TNXB: variants seen among roughly 807,000 people sequenced by gnomAD.
The protein encoded by TNXB is tenascin-X.
A neutral mutation model predicts 340.5 loss-of-function variants in TNXB; 183 were observed. The ratio of observed to expected loss-of-function variants is 0.54; its 90% CI spans 0.48 to 0.61. The LOEUF is 0.61. TNXB is among the 20% of genes least tolerant of loss of function. TNXB has a pLI of 0.00. For synonymous variants in TNXB, 2,121 were observed against 2,314.5 expected (o/e 0.92, Z 2.40); for missense variants, 4,613 against 5,446.4 (o/e 0.85, Z 4.82).
intron 40 of TNXB, 38 bp downstream of exon 40, chr6:32,042,417 G>A (rs746484572): frequency 6.2e-7 from 1 of 1,600,514 alleles, no homozygotes; most frequent in East Asian, 2.3e-5. Flanking sequence ...AACAGACCCT[G>A]CCCTGCACAG....
Position 32,051,573 on chromosome 6 carries a change from T to C in TNXB, c.9115+1097A>G, listed in dbSNP as rs1677324822. Among the ~76,000 whole-genome samples the C allele has an allele frequency of 6.6e-6, 1 of 152,200 alleles. No homozygotes were observed. Among genetic ancestry groups the C allele is most frequent in the African/African-American group, 2.4e-5 (1 of 41,448 alleles). ...ATGAAAGGATGAGCAAAGTGTGGTC[T>C]GTATGTGTAAAACGAAACATTATTC... On this transcript the variant is annotated intron_variant, in intron 26 of 43. Coordinates refer to ENST00000644971, the MANE Select transcript of TNXB (RefSeq NM_001365276.2). The surrounding 1 kb of genome is among the most constrained non-coding windows in gnomAD (Gnocchi z 4.7).
Position 32,096,883 on chromosome 6 carries a change from C to A in TNXB, c.970G>T (p.Gly324Trp), listed in dbSNP as rs1380673986. ...TAGCCGGGGTCACACACGCAGCGCC[C>A]GTCCTTGCAGCGTCCCCGCTGGCTG... ...GCSQRGRCKD[G>W]RCVCDPGYTG... The change falls in exon 3 of 44, where the codon GGG (glycine) becomes TGG (tryptophan). Residue 324 changes from glycine (G) to tryptophan (W), a missense_variant. Around this residue, in one of 7 missense-constraint regions of TNXB, gnomAD observed 4,327 missense variants for 4,859.4 expected, o/e 0.89. Transcript: ENST00000644971. The A allele has an allele frequency of 6.2e-7, 1 of 1,609,122 alleles. No homozygotes were observed. The highest frequency in any genetic ancestry group is 8.5e-7 in the Non-Finnish European group (1 of 1,177,992).
At chr6:32,107,148 G>A (rs1266649911) in intron 1 of TNXB, among the ~76,000 whole-genome samples, 6 of 152,188 alleles carry the variant, frequency 3.9e-5, no homozygotes, top group African/African-American at 1.4e-4. Flanking sequence ...CCTTCCCAGT[G>A]GGAAGCAGCG....
At chr6:32,076,855 G>A (rs928239276) in intron 11 of TNXB, among the ~76,000 whole-genome samples, 13 of 152,184 alleles carry the variant, frequency 8.5e-5, no homozygotes, top group African/African-American at 1.2e-4. Flanking sequence ...GGTGGTGGGC[G>A]CCTGTAATCC....
At chr6:32,056,221 G>A (rs1401152830) in intron 23 of TNXB, 47 bp from the exon 24 acceptor site, 2 of 1,577,934 alleles carry the variant, frequency 1.3e-6, no homozygotes, top group East Asian at 2.2e-5. Flanking sequence ...TGGGGGATGT[G>A]CTCAGGTCTT....
Position 32,084,762 on chromosome 6 carries a change from C to T in TNXB, c.3149-53G>A, listed in dbSNP as rs1779678273. The T allele has an allele frequency of 1.0e-5, 15 of 1,454,394 alleles. No individual in the cohort carries two copies. Among genetic ancestry groups the T allele is most frequent in the Non-Finnish European group, 1.3e-5 (14 of 1,092,984 alleles). 90.1% of individuals were successfully genotyped at this position (1,454,394 alleles called of 1,614,324 possible). ...ATAGTGGACTCAACCGTTCTCTTGTCTGTGTCTCCTTCCCTCTCCCCTGCC... is the reference window on the plus strand; with the variant it reads ...ATAGTGGACTCAACCGTTCTCTTGTTTGTGTCTCCTTCCCTCTCCCCTGCC... On this transcript the variant is annotated intron_variant, in intron 7 of 43. Coordinates refer to ENST00000644971, the MANE Select transcript of TNXB (RefSeq NM_001365276.2). The surrounding 1 kb of genome is among the most constrained non-coding windows in gnomAD (Gnocchi z 5.5).
Position 32,065,078 on chromosome 6 carries a change from A to G in TNXB, c.6584T>C (p.Leu2195Pro). 6.3e-7 allele frequency: 1 copy of G among 1,594,590 alleles called. No individual in the cohort carries two copies. The highest frequency in any genetic ancestry group is 8.5e-7 in the Non-Finnish European group (1 of 1,170,668). Reference protein sequence around the residue: ...EESPDAPLAKLRLGQMTVRDI... With the variant: ...EESPDAPLAKPRLGQMTVRDI... ...TCTCACTGTCATCTGCCCTAGGCGC[A>G]GCTTTGCAAGAGGAGCATCAGGGGA... is the stretch of plus-strand genomic sequence containing the variant. Residue 2195 changes from leucine (L) to proline (P), a missense_variant, in exon 19 of 44, where the codon CTG (leucine) becomes CCG (proline). Coordinates refer to ENST00000644971, the MANE Select transcript of TNXB (RefSeq NM_001365276.2).
rs542401330 is a variant in TNXB at position 32,072,009 on chromosome 6, G to T, written c.4971C>A (p.Val1657=). ...TCTCACCCGTCTTTGCCTCCACAGA[G>T]ACTGGGCTGCGTCGTTTCCCATCCT... ...GIQDGKRRSP[V]SVEAKTVARG... is the part of the protein sequence containing the mutation. Residue 1657 remains valine (V), a synonymous_variant, in exon 13 of 44, where the codon GTC becomes GTA. Transcript: ENST00000644971. The surrounding 1 kb of genome is among the most constrained non-coding windows in gnomAD (Gnocchi z 4.4). 1 of 1,605,322 alleles carries T rather than the reference G, an allele frequency of 6.2e-7. No individual in the cohort carries two copies. The highest frequency in any genetic ancestry group is 8.5e-7 in the Non-Finnish European group (1 of 1,175,342).
rs367754667 is a variant in TNXB, at chr6:32,056,628, C to T, written c.8101G>A (p.Gly2701Ser). The T allele has an allele frequency of 2.2e-5, 35 of 1,612,928 alleles. 1 individual carries two copies. In the Middle Eastern group the frequency reaches 9.9e-4, roughly 46 times the overall value. ...KYKMNLYGFH[G>S]GQRVGPISVI... is the part of the protein sequence containing the mutation. ...GAGATGGGGCCCACGCGCTGGCCACCGTGGAAGCCGTACAGGTTCATCTTG... is the reference window on the plus strand; with the variant it reads ...GAGATGGGGCCCACGCGCTGGCCACTGTGGAAGCCGTACAGGTTCATCTTG... The change falls in exon 23 of 44, where the codon GGT (glycine) becomes AGT (serine). Residue 2701 changes from glycine to serine, a missense_variant. By Grantham distance (56) the Gly-to-Ser change is moderately conservative (BLOSUM62 0). This residue lies in a region of TNXB where 4,327 missense variants were observed against 4,859.4 expected (regional missense o/e 0.89). Coordinates refer to ENST00000644971, the MANE Select transcript of TNXB (RefSeq NM_001365276.2).
rs761781804 is a variant in TNXB at position 32,067,680 on chromosome 6, C to T, written c.6525G>A (p.Val2175=). 3.1e-6 allele frequency: 5 copies of T among 1,613,578 alleles called. No homozygotes were observed. Among genetic ancestry groups the T allele is most frequent in the South Asian group, 1.1e-5 (1 of 91,076 alleles). ...GLHEGRRVGP[V]SAVGVTAPEE... is the part of the protein sequence containing the mutation. ...ACTCACCCGTGACGCCCACAGCAGA[C>T]ACTGGGCCCACGCGCCGCCCCTCGT... Residue 2175 remains valine, a synonymous_variant, in exon 18 of 44, where the codon GTG becomes GTA. Transcript: ENST00000644971. This position sits in a 1 kb window ranked among gnomAD's most constrained non-coding sequence, Gnocchi z 4.2.
chr6:32,047,556 A>G lies in TNXB; in HGVS notation c.10324+178T>C, dbSNP rs186139285. 1.3e-5 allele frequency among the ~76,000 whole-genome samples: 2 copies of G among 152,342 alleles called. No homozygotes were observed. Among genetic ancestry groups the G allele is most frequent in the Admixed American group, 1.3e-4 (2 of 15,306 alleles). On this transcript the variant is annotated intron_variant, in intron 30 of 43. Transcript: ENST00000644971. This position sits in a 1 kb window ranked among gnomAD's most constrained non-coding sequence, Gnocchi z 6.2. ...TATTTCCTCAGCAGTCAGCGAATGA[A>G]AGGAAGTAATGCATATGCTTCAGAA...
chr6:32,073,648 C>A lies in TNXB; in HGVS notation c.4680G>T (p.Thr1560=). 1.2e-6 allele frequency: 2 copies of A among 1,605,308 alleles called. No homozygotes were observed. Among genetic ancestry groups the A allele is most frequent in the East Asian group, 2.2e-5 (1 of 44,768 alleles). Residue 1560 remains threonine, a splice_region_variant and synonymous_variant, in exon 12 of 44, where the codon ACG becomes ACT. Transcript: ENST00000644971. This position sits in a 1 kb window ranked among gnomAD's most constrained non-coding sequence, Gnocchi z 4.6. ...RMGPLSVVIV[T]APLPPAPATE... ...GGACTGAGTCCCCCCATTACTCACC[C>A]GTCACGATGACCACAGACAGGGGGC...
Position 32,097,368 on chromosome 6 carries a change from C to G in TNXB, c.485G>C (p.Trp162Ser). The G allele has an allele frequency of 6.2e-7, 1 of 1,612,430 alleles. No homozygotes were observed. The highest frequency in any genetic ancestry group is 8.5e-7 in the Non-Finnish European group (1 of 1,179,826). ...GGGGTCTGAGCAGGTGGGCCCACCC[C>G]AGCCTGGCTCACAGGAACAGGTGCA... ...SRCTCSCEPG[W>S]GGPTCSDPTD... is the part of the protein sequence containing the mutation. Residue 162 changes from tryptophan to serine, a missense_variant, in exon 3 of 44, where the codon TGG (tryptophan) becomes TCG (serine). Transcript: ENST00000644971. This position sits in a 1 kb window ranked among gnomAD's most constrained non-coding sequence, Gnocchi z 5.9.
At position 32,089,212 on chromosome 6, in the gene TNXB, C is replaced by T; in HGVS notation, c.2515+11G>A. Reference sequence around the variant, plus strand: ...ACTCAGGACACCCCTCCCCACAGCCCCAGCTCTCACTGGTGGTGATGGTCT... The same window carrying T: ...ACTCAGGACACCCCTCCCCACAGCCTCAGCTCTCACTGGTGGTGATGGTCT... On this transcript the variant is annotated intron_variant, in intron 5 of 43. Transcript: ENST00000644971. This position sits in a 1 kb window ranked among gnomAD's most constrained non-coding sequence, Gnocchi z 6.2. 1 of 1,592,066 alleles carries T rather than the reference C, an allele frequency of 6.3e-7. No individual in the cohort carries two copies. Among genetic ancestry groups the T allele is most frequent in the Non-Finnish European group, 8.6e-7 (1 of 1,167,938 alleles).
At position 32,068,937 on chromosome 6, in the gene TNXB, A is replaced by C. The variant is rs1331243423; in HGVS notation, c.5787T>G (p.Gly1929=). Residue 1929 remains glycine (G), a synonymous_variant, in exon 16 of 44, where the codon GGT becomes GGG. Transcript: ENST00000644971. The surrounding 1 kb of genome is among the most constrained non-coding windows in gnomAD (Gnocchi z 5.3). ...CAGAGAGGGTGATGTCATTCCGGTC[A>C]CCTCCTATGCGGACCATTTGGAGTT... ...DGQLQMVRIG[G]DRNDITLSGL... The C allele has an allele frequency of 1.2e-5, 19 of 1,612,644 alleles. No individual in the cohort carries two copies. Among genetic ancestry groups the C allele is most frequent in the Non-Finnish European group, 1.6e-5 (19 of 1,179,788 alleles).
chr6:32,102,788 C>T (rs1780784856), intron 1 of TNXB, among the ~76,000 whole-genome samples: 1 of 152,054 alleles, frequency 6.6e-6, no homozygotes, highest in South Asian at 2.1e-4. Context: ...GGCATGGTGG[C>T]ACACACCTGT....
At chr6:32,059,418 CA>C (rs571985819) in intron 21 of TNXB, among the ~76,000 whole-genome samples, 988 of 36,522 alleles carry the variant, frequency 0.027, 5 homozygotes, top group Middle Eastern at 0.071. Flanking sequence ...GACTCAGTCT[CA>C]AAAAAAAAAA....
chr6:32,103,568 C>T (rs1780830203), intron 1 of TNXB, among the ~76,000 whole-genome samples: 1 of 152,014 alleles, frequency 6.6e-6, no homozygotes, highest in African/African-American at 2.4e-5. Context: ...TTCCTTATAG[C>T]CTATGCATGC....
intron 11 of TNXB, among the ~76,000 whole-genome samples, chr6:32,078,073 GAGAAAGAAAGAA>G (rs57498424): frequency 0.14 from 16,898 of 124,866 alleles, 1,208 homozygotes; most frequent in Non-Finnish European, 0.16. Flanking sequence ...CAGAAAGAAA[GAGAAAGAAAGAA>G]AGAAAGAAAG....
Sources: gnomAD v4.1 joint callset for allele counts (sites outside exome capture counted in the v4.1 genomes callset) on GRCh38, gnomAD v4.1.1 for gene constraint, gnomAD v4.1.1 regional missense constraint, Gnocchi (gnomAD v3.1) non-coding constraint, MANE v1.5 for transcripts, NCBI Gene and HGNC (gene_info 2026-07-23, HGNC 2026-07-21) for gene names.